Variants in ANKRD26 observed in about 807,000 individuals in gnomAD.
The protein encoded by ANKRD26 is ankyrin repeat domain 26, also known as ankyrin repeat domain-containing protein 26.
Under a neutral mutation model 208.7 loss-of-function variants are expected in ANKRD26, and 141 were observed. The observed-to-expected ratio is 0.68, with a 90% CI of 0.59 to 0.78. ANKRD26 has a LOEUF of 0.78. Ranked by LOEUF, ANKRD26 falls within the 30% of genes least tolerant of loss-of-function variation. The pLI, the probability that ANKRD26 is intolerant of heterozygous loss-of-function variation, is 0.00. For synonymous variants in ANKRD26, 636 were observed against 660.4 expected (o/e 0.96, Z 0.57); for missense variants, 1,889 against 1,938.7 (o/e 0.97, Z 0.48).
In ANKRD26 at chr10:27,093,680, T is replaced by G; in HGVS notation, c.357+5A>C. On this transcript the variant is annotated splice_donor_5th_base_variant and intron_variant, in intron 2 of 33. Coordinates refer to ENST00000376087, the MANE Select transcript of ANKRD26 (RefSeq NM_014915.3). The stretch of plus-strand genomic sequence containing the variant: ...CTGATGCTGAAAGAGCTGGCTACTA[T>G]ATACCTTCATCAGAGCTGTCCTGTT... The G allele has an allele frequency of 6.2e-7, 1 of 1,612,884 alleles. No homozygotes were observed. Among genetic ancestry groups the G allele is most frequent in the Non-Finnish European group, 8.5e-7 (1 of 1,178,840 alleles).
At chr10:26,951,019 C>CTTTTTTTTTTTTTTTTTTTTTTT in the ANKRD26 span, among the ~76,000 whole-genome samples, 32 of 48,558 alleles carry the variant, frequency 6.6e-4, no homozygotes, top group Non-Finnish European at 1.2e-3. Flanking sequence ...TTTTCTTTTT[C>CTTTTTTTTTTTTTTTTTTTTTTT]TTTTTTTTTT....
At chr10:26,963,222 T>C in the ANKRD26 span, among the ~76,000 whole-genome samples, 28 of 152,312 alleles carry the variant, frequency 1.8e-4, no homozygotes, top group African/African-American at 6.3e-4. Flanking sequence ...GTTGTTCCAT[T>C]TCCTAATAAG....
intron 27 of ANKRD26, among the ~76,000 whole-genome samples, chr10:27,028,372 G>A (rs746727986): frequency 7.2e-5 from 11 of 151,914 alleles, no homozygotes; most frequent in East Asian, 3.9e-4. Flanking sequence ...CGAGGCGGGC[G>A]GATCATGAGG....
At chr10:27,010,643 G>T (rs1471797127) in intron 32 of ANKRD26, among the ~76,000 whole-genome samples, 1 of 151,914 alleles carries the variant, frequency 6.6e-6, no homozygotes, top group Non-Finnish European at 1.5e-5. Context: ...CTACAAGCGT[G>T]CACCACCATG....
At chr10:27,098,389 G>C (rs74476665) in intron 1 of ANKRD26, among the ~76,000 whole-genome samples, 2,541 of 152,006 alleles carry the variant, frequency 0.017, 145 homozygotes, top group East Asian at 0.15. Context: ...AAAGAAAGTG[G>C]GAAATGATTT....
intron 20 of ANKRD26, among the ~76,000 whole-genome samples, chr10:27,041,117 C>G (rs1160557967): frequency 6.6e-6 from 1 of 151,788 alleles, no homozygotes; most frequent in African/African-American, 2.4e-5. Context: ...TTCAGAGTTT[C>G]TAGGTCATGA....
intron 5 of ANKRD26, 132 bp downstream of exon 5, chr10:27,086,407 A>G (rs1203937958): frequency 5.2e-6 from 6 of 1,162,686 alleles, no homozygotes; most frequent in Non-Finnish European, 7.0e-6. Context: ...TACCAAGAGA[A>G]ATTAAGAAAA....
rs2135440948 is a variant in ANKRD26 at position 27,060,335 on chromosome 10, C to T, written c.1564+10G>A. The T allele has an allele frequency of 6.3e-7, 1 of 1,584,678 alleles. No individual in the cohort carries two copies. The highest frequency in any genetic ancestry group is 8.7e-7 in the Non-Finnish European group (1 of 1,153,744). On this transcript the variant is annotated intron_variant, in intron 15 of 33. Coordinates refer to ENST00000376087, the MANE Select transcript of ANKRD26 (RefSeq NM_014915.3). ...TCCTTCCAAGATTAAATATATATTGCAACATTTACCTGCTTTGGATGTTTG... is the reference window on the plus strand; with the variant it reads ...TCCTTCCAAGATTAAATATATATTGTAACATTTACCTGCTTTGGATGTTTG...
rs989408119 is a variant in ANKRD26, at chr10:27,004,660, C to T, written c.*930G>A. On this transcript the variant is annotated 3_prime_UTR_variant, in exon 34 of 34. Transcript: ENST00000376087. ...TGCCAAAAAATCATATAATCTAAATCTAATCACCATGAAACCCAATTGAGG... is the reference window on the plus strand; with the variant it reads ...TGCCAAAAAATCATATAATCTAAATTTAATCACCATGAAACCCAATTGAGG... The T allele has an allele frequency of 1.3e-5, 2 of 152,130 alleles. No individual in the cohort carries two copies. Among genetic ancestry groups the T allele is most frequent in the African/African-American group, 4.8e-5 (2 of 41,414 alleles). 9.4% of individuals were successfully genotyped at this position (152,130 alleles called of 1,614,324 possible). A position where few individuals can be genotyped will look rare whatever the true frequency, so the allele number is the denominator to read the frequency against.
the ANKRD26 span, among the ~76,000 whole-genome samples, chr10:26,950,493 T>C: frequency 7.6e-4 from 115 of 152,194 alleles, no homozygotes; most frequent in African/African-American, 2.6e-3. Flanking sequence ...TTGTGGGAGG[T>C]GTTTGGGTCA....
At chr10:27,025,170 T>TTTGC (rs1358224809) in intron 27 of ANKRD26, among the ~76,000 whole-genome samples, 1 of 151,302 alleles carries the variant, frequency 6.6e-6, no homozygotes, top group African/African-American at 2.4e-5. Context: ...CTCTTTTTTG[T>TTTGC]TTGTTTGTTT....
intron 32 of ANKRD26, among the ~76,000 whole-genome samples, chr10:27,007,483 G>A (rs551068742): frequency 1.6e-3 from 239 of 152,170 alleles, no homozygotes; most frequent in Non-Finnish European, 3.0e-3. Context: ...GTGAAATCCC[G>A]TCTCTATTAA....
downstream of ANKRD26, among the ~76,000 whole-genome samples, chr10:26,990,976 A>G (rs1479256886): frequency 6.6e-6 from 1 of 152,246 alleles, no homozygotes; most frequent in Non-Finnish European, 1.5e-5. Flanking sequence ...GACCAGGCTA[A>G]AGACCACTCT....
chr10:27,060,037 T>C (rs2054993302), intron 15 of ANKRD26, among the ~76,000 whole-genome samples: 1 of 151,978 alleles, frequency 6.6e-6, no homozygotes, highest in Non-Finnish European at 1.5e-5. Context: ...CCATCTCTAC[T>C]TAAAATACAA....
chr10:27,077,460 C>T lies in ANKRD26; in HGVS notation c.955G>A (p.Val319Met). 1 of 1,614,012 alleles carries T rather than the reference C, an allele frequency of 6.2e-7. No homozygotes were observed. Among genetic ancestry groups the T allele is most frequent in the Non-Finnish European group, 8.5e-7 (1 of 1,179,960 alleles). The change falls in exon 9 of 34, where the codon GTG becomes ATG. Residue 319 changes from valine (V) to methionine (M), a missense_variant. Val to Met is a conservative substitution (Grantham distance 21, BLOSUM62 1). Around this residue, in one of 3 missense-constraint regions of ANKRD26, gnomAD observed 1,272 missense variants for 1,273.8 expected, o/e 1.00. Transcript: ENST00000376087. ...GATGTTGTAGGAAGGCTTTCAACCA[C>T]AACTTCATCTTGACTATCGGAATCT... ...DRDSDSQDEV[V>M]VESLPTTSIK...
chr10:27,000,669 T>A (rs2052701658), downstream of ANKRD26, among the ~76,000 whole-genome samples: 2 of 152,252 alleles, frequency 1.3e-5, no homozygotes, highest in East Asian at 1.9e-4. Flanking sequence ...TAACTGGGAA[T>A]AAATCTAAAA....
At chr10:26,967,179 T>C in the ANKRD26 span, among the ~76,000 whole-genome samples, 16 of 152,160 alleles carry the variant, frequency 1.1e-4, no homozygotes. Context: ...CTAAAAGCAC[T>C]TGTCAGTTTT....
intron 31 of ANKRD26, among the ~76,000 whole-genome samples, chr10:27,013,336 G>T (rs2053180874): frequency 6.6e-6 from 1 of 152,108 alleles, no homozygotes; most frequent in Admixed American, 6.6e-5. Flanking sequence ...CAACAAACAA[G>T]TAATTCAAGC....
At chr10:26,964,636 C>T in the ANKRD26 span, among the ~76,000 whole-genome samples, 1 of 152,256 alleles carries the variant, frequency 6.6e-6, no homozygotes, top group East Asian at 1.9e-4. Flanking sequence ...ACTAAGGGTC[C>T]CCTTCTCATG....
Sources: allele counts gnomAD v4.1 joint callset (sites outside exome capture counted in the v4.1 genomes callset), GRCh38; gene constraint gnomAD v4.1.1; regional missense constraint gnomAD v4.1.1; transcripts MANE v1.5; gene names NCBI Gene and HGNC (gene_info 2026-07-23, HGNC 2026-07-21).